The following CSMD1 variants were observed in gnomAD, a reference collection of about 807,000 sequenced individuals.
The protein encoded by CSMD1 is CUB and Sushi multiple domains 1, also known as CUB and sushi domain-containing protein 1.
In CSMD1, 213 loss-of-function variants were observed where a neutral mutation model predicts 417.5. That is an observed-to-expected ratio of 0.51 (90% CI 0.46 to 0.57). The LOEUF is 0.57. Ranked by LOEUF, CSMD1 falls within the 20% of genes least tolerant of loss-of-function variation. The pLI, the probability that CSMD1 is intolerant of heterozygous loss-of-function variation, is 0.00. For missense variants in CSMD1, 6,923 were observed against 4,529.7 expected, an observed-to-expected ratio of 1.53 and a Z score of -15.17; for synonymous variants, 2,862 against 1,736.8, an observed-to-expected ratio of 1.65 and a Z score of -16.11.
intron 3 of CSMD1, among the ~76,000 whole-genome samples, chr8:4,196,669 G>C (rs1038518040): frequency 6.6e-6 from 1 of 152,112 alleles, no homozygotes. Context: ...CCATTCTTCT[G>C]CCTCTTTCTA....
rs923318458 is a variant in CSMD1 at position 4,698,525 on chromosome 8, C to T, written c.86-60967G>A. 2.6e-5 allele frequency among the ~76,000 whole-genome samples: 4 copies of T among 151,838 alleles called. No individual in the cohort carries two copies. In the East Asian group the frequency reaches 7.7e-4, roughly 29 times the overall value. On this transcript the variant is annotated intron_variant, in intron 1 of 69. Transcript: ENST00000635120. Reference sequence around the variant, plus strand: ...GTGTGTTAGGCCTAAAGAAGTCCACCTACAGGGAAGTTTATTTTTGAGACA... The same window carrying T: ...GTGTGTTAGGCCTAAAGAAGTCCACTTACAGGGAAGTTTATTTTTGAGACA...
chr8:4,267,452 TAATA>T (rs1026962638), intron 3 of CSMD1, among the ~76,000 whole-genome samples: 1 of 150,820 alleles, frequency 6.6e-6, no homozygotes, highest in African/African-American at 2.4e-5. Flanking sequence ...ATAGTTTAAA[TAATA>T]TATAATGAAT....
At chr8:3,961,224 T>G (rs1350065628) in intron 5 of CSMD1, among the ~76,000 whole-genome samples, 2 of 152,150 alleles carry the variant, frequency 1.3e-5, no homozygotes, top group African/African-American at 4.8e-5. Context: ...GAGATTTTCT[T>G]TACCAAGTAA....
At chr8:4,377,538 C>T (rs1802834138) in intron 3 of CSMD1, among the ~76,000 whole-genome samples, 1 of 152,120 alleles carries the variant, frequency 6.6e-6, no homozygotes, top group South Asian at 2.1e-4. Flanking sequence ...CTAATATATA[C>T]TCAAAGTTGA....
rs562802398 is a variant in CSMD1 at position 3,679,265 on chromosome 8, T to A, written c.1009+29149A>T. 5.4e-3 allele frequency among the ~76,000 whole-genome samples: 819 copies of A among 152,200 alleles called. 2 individuals are homozygous for A. Among genetic ancestry groups the A allele is most frequent in the Middle Eastern group, 0.02 (6 of 294 alleles). On this transcript the variant is annotated intron_variant, in intron 7 of 69. Coordinates refer to ENST00000635120, the MANE Select transcript of CSMD1 (RefSeq NM_033225.6). ...AAATTGGATAAAGAGTCAAGACCCATCAGTGTGTTGTATTCAGGAAACCCA... is the reference window on the plus strand; with the variant it reads ...AAATTGGATAAAGAGTCAAGACCCAACAGTGTGTTGTATTCAGGAAACCCA...
At chr8:3,306,889 C>CATCATCATA (rs1247257302) in intron 25 of CSMD1, among the ~76,000 whole-genome samples, 2 of 151,722 alleles carry the variant, frequency 1.3e-5, no homozygotes, top group African/African-American at 4.9e-5. Flanking sequence ...TTAAATAACT[C>CATCATCATA]ATCATCATAA....
At chr8:3,590,363 T>G (rs1800794893) in intron 8 of CSMD1, among the ~76,000 whole-genome samples, 2 of 152,184 alleles carry the variant, frequency 1.3e-5, no homozygotes, top group Admixed American at 1.3e-4. Context: ...GACCGTTCCT[T>G]TCTTCTCACC....
chr8:4,042,617 G>A (rs1444843422), intron 3 of CSMD1, among the ~76,000 whole-genome samples: 1 of 151,006 alleles, frequency 6.6e-6, no homozygotes, highest in East Asian at 1.9e-4. Context: ...ACCCGTATGG[G>A]GAATTATAAA....
intron 3 of CSMD1, among the ~76,000 whole-genome samples, chr8:4,160,583 C>A (rs1797096958): frequency 6.6e-6 from 1 of 152,212 alleles, no homozygotes. Context: ...TTGCATGAGG[C>A]TGAAGCCTCC....
chr8:4,380,095 G>C (rs750220737), intron 3 of CSMD1, among the ~76,000 whole-genome samples: 24 of 152,176 alleles, frequency 1.6e-4, no homozygotes, highest in Non-Finnish European at 2.5e-4. Context: ...AAGTAAATGG[G>C]AGAAAAATAA....
At chr8:4,176,590 G>C (rs952361630) in intron 3 of CSMD1, among the ~76,000 whole-genome samples, 3 of 142,106 alleles carry the variant, frequency 2.1e-5, no homozygotes, top group East Asian at 2.1e-4. Flanking sequence ...TAGTAGAAGG[G>C]ACATAGGAGT....
chr8:4,758,352 C>G (rs1311920391), intron 1 of CSMD1, among the ~76,000 whole-genome samples: 3 of 152,098 alleles, frequency 2.0e-5, no homozygotes, highest in Non-Finnish European at 1.5e-5. Context: ...GAATTTGCCT[C>G]TATGTATTAT....
chr8:4,721,464 T>C (rs1340813703), intron 1 of CSMD1, among the ~76,000 whole-genome samples: 1 of 152,182 alleles, frequency 6.6e-6, no homozygotes, highest in African/African-American at 2.4e-5. Context: ...TTCTGGAAGA[T>C]GCTCAACATC....
chr8:4,362,572 G>C (rs766921214), intron 3 of CSMD1, among the ~76,000 whole-genome samples: 1 of 152,146 alleles, frequency 6.6e-6, no homozygotes, highest in Non-Finnish European at 1.5e-5. Flanking sequence ...ATATAGCCCC[G>C]TGAAGTGTAG....
At chr8:3,997,033 C>G (rs542691576) in intron 5 of CSMD1, among the ~76,000 whole-genome samples, 4 of 152,182 alleles carry the variant, frequency 2.6e-5, no homozygotes, top group Non-Finnish European at 5.9e-5. Context: ...AAATGGCCAA[C>G]ATTTCCTCTG....
intron 6 of CSMD1, among the ~76,000 whole-genome samples, chr8:3,732,623 G>C (rs949718760): frequency 3.3e-5 from 5 of 152,128 alleles, no homozygotes; most frequent in African/African-American, 1.2e-4. Flanking sequence ...TTGCCTTTAA[G>C]ACCTTTTTGG....
At chr8:3,684,215 T>C (rs560000130) in intron 7 of CSMD1, among the ~76,000 whole-genome samples, 89 of 143,636 alleles carry the variant, frequency 6.2e-4, no homozygotes, top group Middle Eastern at 3.6e-3. Context: ...TTATATATAA[T>C]ATATAACATA....
At chr8:4,589,941 G>A (rs370464423) in intron 2 of CSMD1, among the ~76,000 whole-genome samples, 6 of 152,088 alleles carry the variant, frequency 3.9e-5, no homozygotes, top group Admixed American at 6.6e-5. Context: ...CCACACACTG[G>A]ACCTGGAAGT....
chr8:4,237,705 G>C (rs945507357), intron 3 of CSMD1, among the ~76,000 whole-genome samples: 8 of 152,060 alleles, frequency 5.3e-5, no homozygotes, highest in Non-Finnish European at 8.8e-5. Context: ...TAGAGACATG[G>C]TTTTGCTATG....
Sources: gnomAD v4.1 joint callset for allele counts (sites outside exome capture counted in the v4.1 genomes callset) on GRCh38, gnomAD v4.1.1 for gene constraint, MANE v1.5 for transcripts, NCBI Gene and HGNC (gene_info 2026-07-23, HGNC 2026-07-21) for gene names.